Variants in NRTN observed in about 807,000 individuals in gnomAD.
NRTN encodes the protein neurturin, also known as prepro-neurturin.
A neutral mutation model predicts 7.5 loss-of-function variants in NRTN; 3 were observed. The ratio of observed to expected loss-of-function variants is 0.40; its 90% CI spans 0.18 to 1.03. The LOEUF (loss-of-function observed/expected upper bound fraction) is 1.03. Among genes scored for constraint, NRTN ranks in the 50% least tolerant of loss-of-function variants. The probability of loss-of-function intolerance (pLI) is 0.34; values close to 1 mark genes in which losing one functional copy is unlikely to be tolerated. For synonymous variants in NRTN, 157 were observed against 146.6 expected, an observed-to-expected ratio of 1.07 and a Z score of -0.51; for missense variants, 310 against 307.0, an observed-to-expected ratio of 1.01 and a Z score of -0.07.
chr19:5,822,836 T>C (rs554847841), intron 1 of NRTN, among the ~76,000 whole-genome samples: 2 of 151,768 alleles, frequency 1.3e-5, no homozygotes, highest in South Asian at 2.1e-4. Flanking sequence ...TTCCCCTCTC[T>C]ATTAAACAAA....
chr19:5,819,417 T>C (rs986961773), intron 1 of NRTN, among the ~76,000 whole-genome samples: 2 of 152,066 alleles, frequency 1.3e-5, no homozygotes, highest in Admixed American at 1.3e-4. Context: ...ATCCCAGCAC[T>C]TGGGGAGGCC....
chr19:5,818,074 C>T (rs1278967368), intron 1 of NRTN, among the ~76,000 whole-genome samples: 1 of 152,164 alleles, frequency 6.6e-6, no homozygotes, highest in East Asian at 1.9e-4. Context: ...AGTGAGTCTC[C>T]TGCCTCAGCT....
chr19:5,811,649 G>C (rs527279230), intron 1 of NRTN, among the ~76,000 whole-genome samples: 20 of 150,820 alleles, frequency 1.3e-4, no homozygotes, highest in African/African-American at 4.6e-4. Flanking sequence ...TCTCCTGCCT[G>C]ATCCTCCTGA....
At chr19:5,825,138 G>A (rs1202855606) in intron 2 of NRTN, among the ~76,000 whole-genome samples, 1 of 152,096 alleles carries the variant, frequency 6.6e-6, no homozygotes, top group African/African-American at 2.4e-5. Flanking sequence ...GGTGAGGAGG[G>A]GTGGAGAGAG....
At chr19:5,820,370 T>G (rs886640158) in intron 1 of NRTN, among the ~76,000 whole-genome samples, 1 of 147,692 alleles carries the variant, frequency 6.8e-6, no homozygotes, top group African/African-American at 2.6e-5. Flanking sequence ...ATCAAGACCA[T>G]CCTGGCTAAC....
chr19:5,810,727 A>G (rs889356831), intron 1 of NRTN, among the ~76,000 whole-genome samples: 13 of 152,000 alleles, frequency 8.6e-5, no homozygotes, highest in South Asian at 2.1e-4. Flanking sequence ...AGGTCAGATC[A>G]AGACCACCCT....
intron 1 of NRTN, among the ~76,000 whole-genome samples, chr19:5,823,315 G>T (rs1029550216): frequency 4.6e-5 from 7 of 152,100 alleles, no homozygotes; most frequent in African/African-American, 1.7e-4. Flanking sequence ...TACTCGGGGG[G>T]CTGAGGCAGG....
Position 5,827,913 on chromosome 19 carries a change from G to A in NRTN, c.334G>A (p.Val112Met). Residue 112 changes from valine (V) to methionine (M), a missense_variant, in exon 3 of 3, where the codon GTG becomes ATG. Val to Met is a conservative substitution (Grantham distance 21). Coordinates refer to ENST00000303212, the MANE Select transcript of NRTN (RefSeq NM_004558.5). ...PCGLRELEVR[V>M]SELGLGYASD... Reference sequence around the variant, plus strand: ...CGGGCTGCGCGAGCTGGAGGTGCGCGTGAGCGAGCTGGGCCTGGGCTACGC... The same window carrying A: ...CGGGCTGCGCGAGCTGGAGGTGCGCATGAGCGAGCTGGGCCTGGGCTACGC... 3 of 1,451,780 alleles carry A rather than the reference G, an allele frequency of 2.1e-6. No homozygotes were observed. The highest frequency in any genetic ancestry group is 2.9e-5 in the East Asian group (1 of 33,990). 89.9% of individuals were successfully genotyped at this position (1,451,780 alleles called of 1,614,324 possible).
In NRTN at chr19:5,827,767, G is replaced by T; in HGVS notation, c.188G>T (p.Gly63Val). ...RLAQYRALLQGAPDAMELREL... is the reference protein window; with the variant it reads ...RLAQYRALLQVAPDAMELREL... ...CTCGCAGACCGTGCACTCCTGCAGG[G>T]GGCCCCGGATGCGATGGAGCTGCGC... is the stretch of plus-strand genomic sequence containing the variant. The change falls in exon 3 of 3, where the codon GGG becomes GTG. Residue 63 changes from glycine (G) to valine (V), a missense_variant. Transcript: ENST00000303212. The T allele has an allele frequency of 2.4e-6, 3 of 1,225,642 alleles. No individual in the cohort carries two copies. The highest frequency in any genetic ancestry group is 3.7e-5 in the South Asian group (1 of 27,120). 75.9% of individuals were successfully genotyped at this position (1,225,642 alleles called of 1,614,324 possible). A position where few individuals can be genotyped will look rare whatever the true frequency, so the allele number is the denominator to read the frequency against.
chr19:5,819,568 CAGG>C (rs2057016330), intron 1 of NRTN, among the ~76,000 whole-genome samples: 1 of 152,098 alleles, frequency 6.6e-6, no homozygotes, highest in South Asian at 2.1e-4. Flanking sequence ...GAGGCTGAAG[CAGG>C]AGAATTGCTT....
At chr19:5,815,294 C>T (rs1308602726) in intron 1 of NRTN, among the ~76,000 whole-genome samples, 1 of 152,032 alleles carries the variant, frequency 6.6e-6, no homozygotes, top group Non-Finnish European at 1.5e-5. Flanking sequence ...TGGGATCATG[C>T]TTGAGTGTGA....
intron 1 of NRTN, among the ~76,000 whole-genome samples, chr19:5,805,989 C>T (rs1399103539): frequency 6.6e-6 from 1 of 152,132 alleles, no homozygotes; most frequent in African/African-American, 2.4e-5. Context: ...AGGGCCGGGC[C>T]CTCTCGGCTC....
chr19:5,816,468 T>A (rs1212703558), intron 1 of NRTN, among the ~76,000 whole-genome samples: 1 of 152,170 alleles, frequency 6.6e-6, no homozygotes, highest in Non-Finnish European at 1.5e-5. Context: ...AACCTCCGCC[T>A]CCCAGGTTCA....
In NRTN at chr19:5,827,936, C is replaced by T; in HGVS notation, c.357C>T (p.Tyr119=). 1 of 1,483,172 alleles carries T rather than the reference C, an allele frequency of 6.7e-7. No homozygotes were observed. Among genetic ancestry groups the T allele is most frequent in the Non-Finnish European group, 8.9e-7 (1 of 1,121,512 alleles). 91.9% of individuals were successfully genotyped at this position (1,483,172 alleles called of 1,614,324 possible). A position where few individuals can be genotyped will look rare whatever the true frequency, so the allele number is the denominator to read the frequency against. ...EVRVSELGLG[Y]ASDETVLFRY... ...GCGTGAGCGAGCTGGGCCTGGGCTA[C>T]GCGTCCGACGAGACGGTGCTGTTCC... Residue 119 remains tyrosine (Y), a synonymous_variant, in exon 3 of 3, where the codon TAC becomes TAT. Coordinates refer to ENST00000303212, the MANE Select transcript of NRTN (RefSeq NM_004558.5).
At position 5,805,344 on chromosome 19, in the gene NRTN, C is replaced by A. The variant is rs1466253051; in HGVS notation, c.-506C>A. On this transcript the variant is annotated 5_prime_UTR_variant, in exon 1 of 3. Transcript: ENST00000303212. ...GCGGCCGCCCCCTCCGGCCCGGGCC[C>A]CCCCCGGGCACCGCGGGCCCAGGCG... 6.8e-6 allele frequency among the ~76,000 whole-genome samples: 1 copy of A among 146,224 alleles called. No homozygotes were observed. Among genetic ancestry groups the A allele is most frequent in the Non-Finnish European group, 1.5e-5 (1 of 65,844 alleles).
rs1409219501 is a variant in NRTN at position 5,828,103 on chromosome 19, C to T, written c.524C>T (p.Ser175Phe). The T allele has an allele frequency of 3.3e-6, 5 of 1,500,748 alleles. No homozygotes were observed. In the African/African-American group the frequency reaches 4.3e-5, roughly 13 times the overall value. 93.0% of individuals were successfully genotyped at this position (1,500,748 alleles called of 1,614,324 possible). The part of the protein sequence containing the change: ...CRPTAYEDEV[S>F]FLDAHSRYHT... ...CCGACGGCCTACGAGGACGAGGTGT[C>T]CTTCCTGGACGCGCACAGCCGCTAC... Residue 175 changes from serine (S) to phenylalanine (F), a missense_variant, in exon 3 of 3, where the codon TCC becomes TTC. By Grantham distance (155) the Ser-to-Phe change is radical (BLOSUM62 -2). Coordinates refer to ENST00000303212, the MANE Select transcript of NRTN (RefSeq NM_004558.5).
At chr19:5,818,878 G>A (rs1433636157) in intron 1 of NRTN, among the ~76,000 whole-genome samples, 3 of 151,626 alleles carry the variant, frequency 2.0e-5, no homozygotes, top group Admixed American at 6.6e-5. Flanking sequence ...GGCCCCCTCC[G>A]CCAATGGCCC....
chr19:5,824,949 TGGAGATTA>T (rs1347286224), intron 2 of NRTN, among the ~76,000 whole-genome samples: 2 of 151,732 alleles, frequency 1.3e-5, no homozygotes, highest in Non-Finnish European at 2.9e-5. Flanking sequence ...GGGGGCCAGA[TGGAGATTA>T]GACCTGGGCA....
At chr19:5,807,237 A>G (rs1447285136) in intron 1 of NRTN, among the ~76,000 whole-genome samples, 2 of 152,192 alleles carry the variant, frequency 1.3e-5, no homozygotes, top group Non-Finnish European at 2.9e-5. Context: ...TGGCAGAGGA[A>G]GAACTGGGCT....
Sources: gnomAD v4.1 joint callset for allele counts (sites outside exome capture counted in the v4.1 genomes callset) on GRCh38, gnomAD v4.1.1 for gene constraint, MANE v1.5 for transcripts, NCBI Gene and HGNC (gene_info 2026-07-23, HGNC 2026-07-21) for gene names.